Variants in DSCAM observed in about 807,000 individuals in gnomAD.
DSCAM encodes cell adhesion molecule DSCAM.
A neutral mutation model predicts 217.7 loss-of-function variants in DSCAM; 47 were observed. The observed-to-expected ratio is 0.22, with a 90% CI of 0.17 to 0.28. DSCAM has a LOEUF of 0.28. Ranked by LOEUF, DSCAM falls within the 10% of genes least tolerant of loss-of-function variation. DSCAM has a pLI of 1.00. For missense variants in DSCAM, 2,080 were observed against 2,618.3 expected (o/e 0.79, Z 4.49); for synonymous variants, 1,056 against 1,015.3 (o/e 1.04, Z -0.76).
At chr21:40,498,282 C>T (rs1313584201) in intron 3 of DSCAM, among the ~76,000 whole-genome samples, 1 of 152,032 alleles carries the variant, frequency 6.6e-6, no homozygotes, top group Non-Finnish European at 1.5e-5. Context: ...CCTTAAAGAG[C>T]TCACTGTATT....
intron 3 of DSCAM, among the ~76,000 whole-genome samples, chr21:40,392,431 A>T (rs2075142186): frequency 6.6e-6 from 1 of 152,220 alleles, no homozygotes; most frequent in Non-Finnish European, 1.5e-5. Flanking sequence ...TAGTTATAGG[A>T]TGAGAGTGGA....
At chr21:40,026,038 T>A (rs57237141) in intron 32 of DSCAM, among the ~76,000 whole-genome samples, 2 of 141,688 alleles carry the variant, frequency 1.4e-5, no homozygotes, top group African/African-American at 5.0e-5. Context: ...TACACACTGC[T>A]TTGAATGCGT....
At chr21:40,578,396 TGCACCAGTCAGCACTCTGTAAAAAC>T (rs1568917768) in intron 3 of DSCAM, among the ~76,000 whole-genome samples, 1 of 152,084 alleles carries the variant, frequency 6.6e-6, no homozygotes, top group Non-Finnish European at 1.5e-5. Flanking sequence ...GGATTGTAAA[TGCACCAGTCAGCACTCTGTAAAAAC>T]GCACCAATCA....
At chr21:40,150,499 A>G (rs73225235) in intron 16 of DSCAM, among the ~76,000 whole-genome samples, 6,873 of 152,298 alleles carry the variant, frequency 0.045, 208 homozygotes, top group African/African-American at 0.08. Context: ...ACAACCTCTG[A>G]AAAAAATCCA....
intron 16 of DSCAM, among the ~76,000 whole-genome samples, chr21:40,157,002 C>T (rs1037836858): frequency 2.6e-5 from 4 of 152,134 alleles, no homozygotes; most frequent in African/African-American, 9.7e-5. Context: ...GGTTGACAAA[C>T]TGGTCCCTCC....
intron 1 of DSCAM, among the ~76,000 whole-genome samples, chr21:40,739,281 G>A (rs1025234231): frequency 2.0e-5 from 3 of 152,098 alleles, no homozygotes; most frequent in South Asian, 2.1e-4. Flanking sequence ...TTGAGGAGTC[G>A]GACAGAGAAA....
chr21:40,617,119 CTTTTTTTT>C (rs1178735630), intron 3 of DSCAM, among the ~76,000 whole-genome samples: 2 of 112,670 alleles, frequency 1.8e-5, no homozygotes, highest in African/African-American at 3.6e-5. Context: ...CAGAACCAGT[CTTTTTTTT>C]TTTTTTTTTT....
chr21:40,566,294 T>C (rs1018568173), intron 3 of DSCAM, among the ~76,000 whole-genome samples: 1 of 151,944 alleles, frequency 6.6e-6, no homozygotes, highest in East Asian at 1.9e-4. Context: ...GCCTGAAACA[T>C]GCTTACCAGC....
chr21:40,678,394 CG>C (rs1209221606), intron 3 of DSCAM, among the ~76,000 whole-genome samples: 1 of 152,172 alleles, frequency 6.6e-6, no homozygotes, highest in Admixed American at 6.5e-5. Flanking sequence ...GTCCCTGCAC[CG>C]CCATTCACTG....
intron 6 of DSCAM, among the ~76,000 whole-genome samples, chr21:40,341,488 A>G (rs936487029): frequency 2.0e-5 from 3 of 152,190 alleles, no homozygotes; most frequent in Admixed American, 6.5e-5. Flanking sequence ...ACAGATCTTA[A>G]GTGTACAGCT....
chr21:40,770,046 C>T (rs1047743554), intron 1 of DSCAM, among the ~76,000 whole-genome samples: 2 of 152,188 alleles, frequency 1.3e-5, no homozygotes, highest in African/African-American at 2.4e-5. Context: ...GTCTGCCTTA[C>T]TGCCTTATCA....
At chr21:40,094,745 C>T (rs950414187) in intron 20 of DSCAM, among the ~76,000 whole-genome samples, 32 of 152,118 alleles carry the variant, frequency 2.1e-4, no homozygotes, top group African/African-American at 7.7e-4. Flanking sequence ...CCAGTCTTTC[C>T]TAATTATTCT....
At chr21:40,310,311 A>T (rs1386675628) in intron 9 of DSCAM, among the ~76,000 whole-genome samples, 1 of 152,192 alleles carries the variant, frequency 6.6e-6, no homozygotes, top group African/African-American at 2.4e-5. Flanking sequence ...GTGTTTTCTT[A>T]AGCCTCCCAG....
At chr21:40,345,676 C>G (rs1438431388) in intron 6 of DSCAM, among the ~76,000 whole-genome samples, 1 of 152,130 alleles carries the variant, frequency 6.6e-6, no homozygotes, top group Non-Finnish European at 1.5e-5. Context: ...TTACTTTAAT[C>G]CATCGCTATT....
At chr21:40,042,015 G>A (rs189747290) in intron 32 of DSCAM, among the ~76,000 whole-genome samples, 1 of 152,234 alleles carries the variant, frequency 6.6e-6, no homozygotes, top group East Asian at 1.9e-4. Flanking sequence ...TGGACCATTT[G>A]CTGCTAGAAC....
intron 3 of DSCAM, among the ~76,000 whole-genome samples, chr21:40,547,716 G>C (rs532579235): frequency 3.9e-5 from 6 of 152,136 alleles, no homozygotes; most frequent in Non-Finnish European, 7.4e-5. Flanking sequence ...TCAGCACAGG[G>C]AGGAGAGGAA....
At chr21:40,082,730 C>G (rs1392543208) in intron 24 of DSCAM, among the ~76,000 whole-genome samples, 1 of 151,908 alleles carries the variant, frequency 6.6e-6, no homozygotes, top group East Asian at 1.9e-4. Context: ...TTCCCTTCAC[C>G]CATTGGAGTG....
At chr21:40,727,756 C>T (rs2090971362) in intron 1 of DSCAM, among the ~76,000 whole-genome samples, 1 of 152,184 alleles carries the variant, frequency 6.6e-6, no homozygotes, top group Non-Finnish European at 1.5e-5. Flanking sequence ...TGGCTCAGGC[C>T]ATCTCTGGCC....
chr21:40,411,187 C>T (rs1441269271), intron 3 of DSCAM, among the ~76,000 whole-genome samples: 4 of 146,640 alleles, frequency 2.7e-5, no homozygotes, highest in African/African-American at 1.0e-4. Flanking sequence ...CACACACACA[C>T]ACACACACAC....
Sources: gnomAD v4.1 joint callset for allele counts (sites outside exome capture counted in the v4.1 genomes callset) on GRCh38, gnomAD v4.1.1 for gene constraint, MANE v1.5 for transcripts, NCBI Gene and HGNC (gene_info 2026-07-23, HGNC 2026-07-21) for gene names.